GRIK3: variants seen among roughly 807,000 people sequenced by gnomAD.
The protein encoded by GRIK3 is glutamate receptor ionotropic, kainate 3.
Under a neutral mutation model 102.5 loss-of-function variants are expected in GRIK3, and 29 were observed. The observed-to-expected ratio is 0.28, with a 90% CI of 0.21 to 0.39. The LOEUF (loss-of-function observed/expected upper bound fraction) is 0.39. GRIK3 is among the 10% of genes least tolerant of loss of function. The pLI is 1.00. For synonymous variants in GRIK3, 511 were observed against 504.9 expected (o/e 1.01, Z -0.16); for missense variants, 908 against 1,252.4 (o/e 0.73, Z 4.15).
At chr1:36,847,525 C>T (rs573220739) in intron 9 of GRIK3, among the ~76,000 whole-genome samples, 2 of 152,320 alleles carry the variant, frequency 1.3e-5, no homozygotes, top group East Asian at 1.9e-4. Flanking sequence ...GAGATTTTCT[C>T]AAGATCTCTC....
chr1:36,971,922 C>T (rs1050022579), intron 1 of GRIK3, among the ~76,000 whole-genome samples: 6 of 152,220 alleles, frequency 3.9e-5, no homozygotes, highest in African/African-American at 9.7e-5. Flanking sequence ...AGGGAAACTT[C>T]TCCAGCTTAC....
At chr1:36,808,251 C>T (rs147016130) in intron 13 of GRIK3, among the ~76,000 whole-genome samples, 210 of 152,346 alleles carry the variant, frequency 1.4e-3, no homozygotes, top group African/African-American at 4.5e-3. Flanking sequence ...TACTCTGCTA[C>T]GCTGTCTCCC....
Position 36,804,858 on chromosome 1 carries a change from C to T in GRIK3, c.2565+129G>A, listed in dbSNP as rs575714460. ...AGGTAGAGTGGCAGGGCTTGCTGGC[C>T]GACTGGATGCAGGGTGAGCTGTTGT... is the stretch of plus-strand genomic sequence containing the variant. On this transcript the variant is annotated intron_variant, in intron 15 of 15. Coordinates refer to ENST00000373091, the MANE Select transcript of GRIK3 (RefSeq NM_000831.4). The T allele has an allele frequency of 2.1e-5, 26 of 1,226,096 alleles. No individual in the cohort carries two copies. In the African/African-American group the frequency reaches 2.5e-4, roughly 12 times the overall value. 76.0% of individuals were successfully genotyped at this position (1,226,096 alleles called of 1,614,324 possible).
chr1:36,897,786 G>C (rs955074419), intron 1 of GRIK3, among the ~76,000 whole-genome samples: 2 of 152,190 alleles, frequency 1.3e-5, no homozygotes, highest in African/African-American at 4.8e-5. Context: ...CAATCTCACT[G>C]CTAGATATAT....
chr1:36,858,106 G>C (rs1240889113), intron 7 of GRIK3, among the ~76,000 whole-genome samples: 2 of 152,182 alleles, frequency 1.3e-5, no homozygotes, highest in Non-Finnish European at 2.9e-5. Context: ...ACTGCCCTTG[G>C]TGTTGCCTTG....
rs758951492 is a variant in GRIK3 at position 37,034,091 on chromosome 1, C to T, written c.18G>A (p.Arg6=). MTAPW[R]RLRSLVWEYW... is the part of the protein sequence containing the mutation. ...ATTCCCAAACCAGACTCCGGAGGCG[C>T]CGCCAGGGAGCGGTCATCGTTGGGC... The change falls in exon 1 of 16, where the codon CGG becomes CGA. Residue 6 remains arginine, a synonymous_variant. Coordinates refer to ENST00000373091, the MANE Select transcript of GRIK3 (RefSeq NM_000831.4). The T allele has an allele frequency of 9.5e-6, 15 of 1,584,762 alleles. No homozygotes were observed. Among genetic ancestry groups the T allele is most frequent in the African/African-American group, 2.8e-5 (2 of 72,256 alleles).
At chr1:36,835,316 T>C (rs1221944476) in intron 10 of GRIK3, among the ~76,000 whole-genome samples, 1 of 152,230 alleles carries the variant, frequency 6.6e-6, no homozygotes, top group African/African-American at 2.4e-5. Flanking sequence ...AAGATCCCAA[T>C]TGGTTCCCAT....
intron 1 of GRIK3, among the ~76,000 whole-genome samples, chr1:36,952,232 A>G (rs961655571): frequency 6.6e-6 from 1 of 152,158 alleles, no homozygotes; most frequent in Non-Finnish European, 1.5e-5. Context: ...CCCTTCCTCC[A>G]TGGTGTCTCC....
intron 1 of GRIK3, among the ~76,000 whole-genome samples, chr1:36,896,036 C>T (rs1226840926): frequency 6.6e-6 from 1 of 151,994 alleles, no homozygotes; most frequent in Non-Finnish European, 1.5e-5. Flanking sequence ...AGAAATTATC[C>T]TTCAAAAGTG....
intron 5 of GRIK3, among the ~76,000 whole-genome samples, chr1:36,861,357 T>C (rs1640723246): frequency 6.6e-6 from 1 of 152,136 alleles, no homozygotes; most frequent in Admixed American, 6.5e-5. Context: ...CTGTCTATAC[T>C]CTCCCACACT....
chr1:36,929,705 G>T (rs1282392622), intron 1 of GRIK3, among the ~76,000 whole-genome samples: 1 of 152,222 alleles, frequency 6.6e-6, no homozygotes, highest in Non-Finnish European at 1.5e-5. Flanking sequence ...GAATTTCAGG[G>T]ATGGTGTATT....
chr1:36,910,969 T>A (rs1222300016), intron 1 of GRIK3, among the ~76,000 whole-genome samples: 1 of 152,008 alleles, frequency 6.6e-6, no homozygotes, highest in Non-Finnish European at 1.5e-5. Context: ...CTGGGGAGAC[T>A]CAGAGGAGAG....
chr1:36,871,793 T>G (rs1429331266), intron 4 of GRIK3, among the ~76,000 whole-genome samples: 1 of 152,102 alleles, frequency 6.6e-6, no homozygotes, highest in Non-Finnish European at 1.5e-5. Context: ...GGTGAGGCAT[T>G]CTGGGGGCTG....
intron 1 of GRIK3, among the ~76,000 whole-genome samples, chr1:36,941,560 G>A (rs1641720025): frequency 6.6e-6 from 1 of 152,090 alleles, no homozygotes; most frequent in Admixed American, 6.5e-5. Flanking sequence ...GGTGGAGGGG[G>A]GGAGTGCTGT....
Position 36,853,678 on chromosome 1 carries a change from A to G in GRIK3, c.1149T>C (p.Thr383=). The G allele has an allele frequency of 1.9e-6, 3 of 1,614,020 alleles. No individual in the cohort carries two copies. The highest frequency in any genetic ancestry group is 2.5e-6 in the Non-Finnish European group (3 of 1,179,850). The change falls in exon 8 of 16, where the codon ACT becomes ACC. Residue 383 remains threonine, a synonymous_variant. Coordinates refer to ENST00000373091, the MANE Select transcript of GRIK3 (RefSeq NM_000831.4). ...GLTGRIVFNK[T]SGLRTDFDLD... The stretch of plus-strand genomic sequence containing the variant: ...GATCAAAATCCGTCCGCAAGCCACT[A>G]GTTTTGTTGAAAACAATTCGTCCAG...
intron 1 of GRIK3, among the ~76,000 whole-genome samples, chr1:36,895,827 C>T (rs1209731249): frequency 6.6e-6 from 1 of 151,894 alleles, no homozygotes; most frequent in Non-Finnish European, 1.5e-5. Context: ...TGAGGCATAT[C>T]ATTTTCAAAC....
chr1:36,922,691 T>C (rs986635777), intron 1 of GRIK3, among the ~76,000 whole-genome samples: 1 of 152,212 alleles, frequency 6.6e-6, no homozygotes, highest in Non-Finnish European at 1.5e-5. Flanking sequence ...GGACTTCACG[T>C]AGACTTTCTC....
chr1:36,925,113 G>C (rs951046466), intron 1 of GRIK3, among the ~76,000 whole-genome samples: 1 of 152,188 alleles, frequency 6.6e-6, no homozygotes, highest in African/African-American at 2.4e-5. Flanking sequence ...TCCACAGCTA[G>C]AGCTCTTACC....
intron 1 of GRIK3, among the ~76,000 whole-genome samples, chr1:36,989,081 C>T (rs924037955): frequency 6.6e-6 from 1 of 152,126 alleles, no homozygotes; most frequent in Non-Finnish European, 1.5e-5. Context: ...TCCCTCCCTG[C>T]ACAAACACAG....
Sources: allele counts gnomAD v4.1 joint callset (sites outside exome capture counted in the v4.1 genomes callset), GRCh38; gene constraint gnomAD v4.1.1; transcripts MANE v1.5; gene names NCBI Gene and HGNC (gene_info 2026-07-23, HGNC 2026-07-21).